The following ZNF843 variants were observed in gnomAD, a reference collection of about 807,000 sequenced individuals.
ZNF843 encodes the protein zinc finger protein 843.
For missense variants in ZNF843, 482 were observed against 469.4 expected (o/e 1.03, Z -0.25); for synonymous variants, 185 against 207.7 (o/e 0.89, Z 0.94).
rs990856018 is a variant in ZNF843, at chr16:31,435,979, G to C, written c.871C>G (p.Pro291Ala). 5 of 1,524,432 alleles carry C rather than the reference G, an allele frequency of 3.3e-6. No homozygotes were observed. The highest frequency in any genetic ancestry group is 2.5e-5 in the South Asian group (2 of 80,360). 94.4% of individuals were successfully genotyped at this position (1,524,432 alleles called of 1,614,324 possible). A position where few individuals can be genotyped will look rare whatever the true frequency, so the allele number is the denominator to read the frequency against. ...EAVQAPGYPEPARKASQHRAA... is the reference protein window; with the variant it reads ...EAVQAPGYPEAARKASQHRAA... ...CTGTGCTGCGAGGCCTTCCGGGCTGGCTCAGGGTAGCCTGGGGCCTGAACC... is the reference window on the plus strand; with the variant it reads ...CTGTGCTGCGAGGCCTTCCGGGCTGCCTCAGGGTAGCCTGGGGCCTGAACC... Residue 291 changes from proline to alanine, a missense_variant, in exon 2 of 2, where the codon CCA becomes GCA. By Grantham distance (27) the Pro-to-Ala change is conservative. Transcript: ENST00000315678.
Position 31,438,918 on chromosome 16 carries a change from G to A in ZNF843, c.-335-1734C>T, listed in dbSNP as rs140338680. 5.0e-3 allele frequency among the ~76,000 whole-genome samples: 718 copies of A among 144,688 alleles called. 7 individuals are homozygous for A. The highest frequency in any genetic ancestry group is 0.018 in the African/African-American group (695 of 39,212). 94.9% of individuals were successfully genotyped at this position (144,688 alleles called of 152,430 possible). ...TCCCAAGGACAAAAAAATAAACACCGCATGTTCCCACTCATAGGTGGGAAT... is the reference window on the plus strand; with the variant it reads ...TCCCAAGGACAAAAAAATAAACACCACATGTTCCCACTCATAGGTGGGAAT... On this transcript the variant is annotated intron_variant, in intron 1 of 1. Coordinates refer to ENST00000315678, the MANE Select transcript of ZNF843 (RefSeq NM_001136509.3).
In ZNF843 at chr16:31,435,669, C is replaced by T. The variant is rs1052954078; in HGVS notation, c.*134G>A. 1 of 815,870 alleles carries T rather than the reference C, an allele frequency of 1.2e-6. No homozygotes were observed. Among genetic ancestry groups the T allele is most frequent in the Non-Finnish European group, 1.8e-6 (1 of 560,258 alleles). 50.5% of individuals were successfully genotyped at this position (815,870 alleles called of 1,614,324 possible). A position where few individuals can be genotyped will look rare whatever the true frequency, so the allele number is the denominator to read the frequency against. Reference sequence around the variant, plus strand: ...AAAAAACAAACAAAATAGCCCCCAGCACTTCTGAGAAAGATCTGCCATACA... The same window carrying T: ...AAAAAACAAACAAAATAGCCCCCAGTACTTCTGAGAAAGATCTGCCATACA... On this transcript the variant is annotated 3_prime_UTR_variant, in exon 2 of 2. Transcript: ENST00000315678.
chr16:31,436,768 G>C lies in ZNF843; in HGVS notation c.82C>G (p.Gln28Glu), dbSNP rs2082183886. Reference protein sequence around the residue: ...PTCCSTGRFTQGRQPCKCKAC... With the variant: ...PTCCSTGRFTEGRQPCKCKAC... ...TTGCACTTGCAGGGCTGACGGCCCT[G>C]GGTGAATCTGCCGGTGCTGCAGCAG... is the stretch of plus-strand genomic sequence containing the variant. Residue 28 changes from glutamine (Q) to glutamate (E), a missense_variant, in exon 2 of 2, where the codon CAG becomes GAG. Gln to Glu is a conservative substitution (Grantham distance 29). Transcript: ENST00000315678. 1.9e-6 allele frequency: 3 copies of C among 1,551,728 alleles called. No homozygotes were observed. In the East Asian group the frequency reaches 7.3e-5, roughly 38 times the overall value.
chr16:31,436,361 G>A lies in ZNF843; in HGVS notation c.489C>T (p.Arg163=), dbSNP rs748322674. 146 of 1,547,124 alleles carry A rather than the reference G, an allele frequency of 9.4e-5. 2 individuals are homozygous for A. Among genetic ancestry groups the A allele is most frequent in the African/African-American group, 6.3e-4 (46 of 73,128 alleles). Residue 163 remains arginine (R), a synonymous_variant, in exon 2 of 2, where the codon CGC becomes CGT. Transcript: ENST00000315678. The part of the protein sequence containing the change: ...SVNEKTSLSQ[R]VLPHPGEKTC... Reference sequence around the variant, plus strand: ...TCTTCTCCCCTGGGTGCGGAAGGACGCGCTGGGAGAGGGAGGTCTTCTCAT... The same window carrying A: ...TCTTCTCCCCTGGGTGCGGAAGGACACGCTGGGAGAGGGAGGTCTTCTCAT...
rs2082180564 is a variant in ZNF843, at chr16:31,436,293, C to T, written c.557G>A (p.Ser186Asn). ...GSVESVSLAP[S>N]SVAPDSTSGL... Reference sequence around the variant, plus strand: ...AGAGGTGCTGTCCGGGGCGACTGAGCTGGGTGCGAGGCTGACGCTCTCCAC... The same window carrying T: ...AGAGGTGCTGTCCGGGGCGACTGAGTTGGGTGCGAGGCTGACGCTCTCCAC... Residue 186 changes from serine (S) to asparagine (N), a missense_variant, in exon 2 of 2, where the codon AGC becomes AAC. Physicochemically the swap from Ser to Asn is conservative, Grantham distance 46. Coordinates refer to ENST00000315678, the MANE Select transcript of ZNF843 (RefSeq NM_001136509.3). 8 of 1,549,188 alleles carry T rather than the reference C, an allele frequency of 5.2e-6. No homozygotes were observed. Among genetic ancestry groups the T allele is most frequent in the African/African-American group, 4.1e-5 (3 of 73,054 alleles).
Position 31,435,942 on chromosome 16 carries a change from G to T in ZNF843, c.908C>A (p.Pro303Gln), listed in dbSNP as rs532602073. ...AAGCCTGGCCCTGGCCTCGCCGAGC[G>T]GTCCGGCCGCTCTGTGCTGCGAGGC... ...RKASQHRAAG[P>Q]LGEARARLQR... Residue 303 changes from proline (P) to glutamine (Q), a missense_variant, in exon 2 of 2, where the codon CCG (proline) becomes CAG (glutamine). Physicochemically the swap from Pro to Gln is moderately conservative, Grantham distance 76. Coordinates refer to ENST00000315678, the MANE Select transcript of ZNF843 (RefSeq NM_001136509.3). The T allele has an allele frequency of 3.9e-6, 6 of 1,541,936 alleles. No homozygotes were observed. The highest frequency in any genetic ancestry group is 1.4e-5 in the African/African-American group (1 of 72,974).
At chr16:31,439,903 C>CTT (rs778111085) in intron 1 of ZNF843, among the ~76,000 whole-genome samples, 392 of 152,312 alleles carry the variant, frequency 2.6e-3, no homozygotes, top group Non-Finnish European at 3.0e-3. Context: ...AGTGTCAGCA[C>CTT]AGATAGGCTA....
chr16:31,439,816 C>T (rs2082195393), intron 1 of ZNF843, among the ~76,000 whole-genome samples: 1 of 152,050 alleles, frequency 6.6e-6, no homozygotes, highest in Admixed American at 6.6e-5. Flanking sequence ...TGGTTATGCC[C>T]GTGTACACAT....
At chr16:31,438,566 ATC>A (rs138969574) in intron 1 of ZNF843, among the ~76,000 whole-genome samples, 4 of 151,022 alleles carry the variant, frequency 2.6e-5, no homozygotes, top group East Asian at 1.9e-4. Context: ...CTTGGGTCTC[ATC>A]TCTCTCTCTC....
Position 31,436,903 on chromosome 16 carries a change from C to T in ZNF843, c.-54G>A, listed in dbSNP as rs1351970590. ...GGAGTAACTGTACGGGAGGCTTTGC[C>T]GCACTTGGCGCAGCTGTGGGGCCTC... On this transcript the variant is annotated 5_prime_UTR_variant, in exon 2 of 2. Coordinates refer to ENST00000315678, the MANE Select transcript of ZNF843 (RefSeq NM_001136509.3). 2.8e-6 allele frequency: 4 copies of T among 1,436,804 alleles called. No homozygotes were observed. The highest frequency in any genetic ancestry group is 3.7e-6 in the Non-Finnish European group (4 of 1,080,528). The allele number at this position is 1,436,804 out of a possible 1,614,324, so 89.0% of individuals were successfully genotyped here. A position where few individuals can be genotyped will look rare whatever the true frequency, so the allele number is the denominator to read the frequency against.
In ZNF843 at chr16:31,436,962, A is replaced by C; in HGVS notation, c.-113T>G. 25 of 1,048,070 alleles carry C rather than the reference A, an allele frequency of 2.4e-5. No individual in the cohort carries two copies. Among genetic ancestry groups the C allele is most frequent in the Non-Finnish European group, 3.4e-5 (25 of 733,382 alleles). 64.9% of individuals were successfully genotyped at this position (1,048,070 alleles called of 1,614,324 possible). A position where few individuals can be genotyped will look rare whatever the true frequency, so the allele number is the denominator to read the frequency against. ...TCAGGCTTCCCGTGGCCACGAGCTCACAGTCTGGGAGCAGCACCCGGCCCC... is the reference window on the plus strand; with the variant it reads ...TCAGGCTTCCCGTGGCCACGAGCTCCCAGTCTGGGAGCAGCACCCGGCCCC... On this transcript the variant is annotated 5_prime_UTR_variant, in exon 2 of 2. It removes the in-frame stop codon of an upstream open reading frame in the 5' UTR. Transcript: ENST00000315678.
chr16:31,436,155 A>G lies in ZNF843; in HGVS notation c.695T>C (p.Leu232Pro). ...YPGPPLSLQP[L>P]VPSGLPAVPA... is the part of the protein sequence containing the mutation. ...CACTGCGGGAAGGCCGGATGGAACC[A>G]GAGGCTGGAGACTGAGTGGGGGGCC... is the stretch of plus-strand genomic sequence containing the variant. The change falls in exon 2 of 2, where the codon CTG becomes CCG. Residue 232 changes from leucine (L) to proline (P), a missense_variant. Coordinates refer to ENST00000315678, the MANE Select transcript of ZNF843 (RefSeq NM_001136509.3). The G allele has an allele frequency of 1.3e-6, 2 of 1,544,538 alleles. No homozygotes were observed. Among genetic ancestry groups the G allele is most frequent in the Non-Finnish European group, 1.7e-6 (2 of 1,143,250 alleles).
chr16:31,441,663 ATAAT>A (rs1051591525), intron 1 of ZNF843, among the ~76,000 whole-genome samples: 2 of 151,390 alleles, frequency 1.3e-5, no homozygotes, highest in African/African-American at 4.9e-5. Flanking sequence ...TTTTTTTTAA[ATAAT>A]TAGTGTAGAC....
chr16:31,436,858 C>A lies in ZNF843; in HGVS notation c.-9G>T. 1 of 1,519,042 alleles carries A rather than the reference C, an allele frequency of 6.6e-7. No homozygotes were observed. Among genetic ancestry groups the A allele is most frequent in the South Asian group, 1.3e-5 (1 of 78,988 alleles). 94.1% of individuals were successfully genotyped at this position (1,519,042 alleles called of 1,614,324 possible). On this transcript the variant is annotated 5_prime_UTR_variant, in exon 2 of 2. Coordinates refer to ENST00000315678, the MANE Select transcript of ZNF843 (RefSeq NM_001136509.3). ...AAGGGGAGGCTTCTCATGAGCAGGG[C>A]TTCGGAGATGACCGCTCAGGGAGTA...
chr16:31,436,042 T>C lies in ZNF843; in HGVS notation c.808A>G (p.Arg270Gly). ...TCCCGTCCCGCGCTCGCACAGCTTCTGGGCCCCATCGCCCCCTCCTGCTGA... is the reference window on the plus strand; with the variant it reads ...TCCCGTCCCGCGCTCGCACAGCTTCCGGGCCCCATCGCCCCCTCCTGCTGA... ...AAQQEGAMGP[R>G]SCASAGRDSR... Residue 270 changes from arginine to glycine, a missense_variant, in exon 2 of 2, where the codon AGA becomes GGA. Transcript: ENST00000315678. 1 of 1,540,738 alleles carries C rather than the reference T, an allele frequency of 6.5e-7. No homozygotes were observed. The highest frequency in any genetic ancestry group is 1.2e-5 in the South Asian group (1 of 82,116).
In ZNF843 at chr16:31,436,051, T is replaced by TGTG; in HGVS notation, c.798_799insCAC (p.Ala266_Met267insHis). 6.5e-7 allele frequency: 1 copy of TGTG among 1,543,002 alleles called. No individual in the cohort carries two copies. The highest frequency in any genetic ancestry group is 2.4e-5 in the East Asian group (1 of 40,898). On this transcript the variant is annotated inframe_insertion, in exon 2 of 2. Transcript: ENST00000315678. ...GCGCTCGCACAGCTTCTGGGCCCCATCGCCCCCTCCTGCTGAGCTGCCGGC... is the reference window on the plus strand; with the variant it reads ...GCGCTCGCACAGCTTCTGGGCCCCATGTGCGCCCCCTCCTGCTGAGCTGCCGGC...
In ZNF843 at chr16:31,436,292, G is replaced by A. The variant is rs1313329366; in HGVS notation, c.558C>T (p.Ser186=). The change falls in exon 2 of 2, where the codon AGC becomes AGT. Residue 186 remains serine (S), a synonymous_variant. Coordinates refer to ENST00000315678, the MANE Select transcript of ZNF843 (RefSeq NM_001136509.3). ...CAGAGGTGCTGTCCGGGGCGACTGA[G>A]CTGGGTGCGAGGCTGACGCTCTCCA... ...GSVESVSLAP[S]SVAPDSTSGL... is the part of the protein sequence containing the mutation. 1.3e-6 allele frequency: 2 copies of A among 1,549,420 alleles called. No homozygotes were observed. Among genetic ancestry groups the A allele is most frequent in the African/African-American group, 1.4e-5 (1 of 73,058 alleles).
rs1404059861 is a variant in ZNF843, at chr16:31,442,786, A to T, written c.-486T>A. The stretch of plus-strand genomic sequence containing the variant: ...GCTCCGGGAAGGGGACGTGGCGAGG[A>T]CCCGGCAGCCGCGGGGCCTGTGGGG... On this transcript the variant is annotated 5_prime_UTR_variant, in exon 1 of 2. Coordinates refer to ENST00000315678, the MANE Select transcript of ZNF843 (RefSeq NM_001136509.3). The T allele has an allele frequency of 6.6e-6, 1 of 151,954 alleles. No homozygotes were observed. Among genetic ancestry groups the T allele is most frequent in the Non-Finnish European group, 1.5e-5 (1 of 67,998 alleles). 9.4% of individuals were successfully genotyped at this position (151,954 alleles called of 1,614,324 possible).
intron 1 of ZNF843, among the ~76,000 whole-genome samples, chr16:31,441,648 A>T (rs1597182080): frequency 1.4e-5 from 2 of 146,930 alleles, no homozygotes; most frequent in Non-Finnish European, 3.0e-5. Flanking sequence ...CACCTGGCTA[A>T]TTTTTTTTTT....
Sources: gnomAD v4.1 joint callset for allele counts (sites outside exome capture counted in the v4.1 genomes callset) on GRCh38, gnomAD v4.1.1 for gene constraint, MANE v1.5 for transcripts, NCBI Gene and HGNC (gene_info 2026-07-23, HGNC 2026-07-21) for gene names.